Variants in CCDC141 observed in about 807,000 individuals in gnomAD.
CCDC141 encodes coiled-coil domain containing 141.
In CCDC141, 168 loss-of-function variants were observed where a neutral mutation model predicts 181.0. The ratio of observed to expected loss-of-function variants is 0.93; its 90% CI spans 0.82 to 1.05. The LOEUF (loss-of-function observed/expected upper bound fraction) is 1.05, where lower values mean the gene tolerates loss of function less well. Ranked by LOEUF, CCDC141 falls within the 50% of genes least tolerant of loss-of-function variation. The probability of loss-of-function intolerance (pLI) is 0.00; values close to 1 mark genes in which losing one functional copy is unlikely to be tolerated. For synonymous variants in CCDC141, 666 were observed against 642.3 expected (o/e 1.04, Z -0.56); for missense variants, 1,902 against 1,788.5 (o/e 1.06, Z -1.14).
At position 178,837,671 on chromosome 2, in the gene CCDC141, A is replaced by G. The variant is rs774934291; in HGVS notation, c.3548T>C (p.Val1183Ala). Residue 1183 changes from valine to alanine, a missense_variant, in exon 23 of 24, where the codon GTG becomes GCG. Physicochemically the swap from Val to Ala is moderately conservative, Grantham distance 64. Transcript: ENST00000443758. The stretch of plus-strand genomic sequence containing the variant: ...GACGCCACCCTCCTTGTCAGTGGAC[A>G]CCTTCAGGTCTTGTGGTAGTCGCTC... Reference protein sequence around the residue: ...GEERLPQDLKVSTDKEGGVQD... With the variant: ...GEERLPQDLKASTDKEGGVQD... The G allele has an allele frequency of 6.2e-7, 1 of 1,614,030 alleles. No individual in the cohort carries two copies. The highest frequency in any genetic ancestry group is 2.2e-5 in the East Asian group (1 of 44,864).
chr2:179,015,764 TC>T (rs1288046041), intron 2 of CCDC141, among the ~76,000 whole-genome samples: 171 of 134,956 alleles, frequency 1.3e-3, no homozygotes, highest in African/African-American at 4.4e-3. Flanking sequence ...CTCATATATA[TC>T]ATATATATCT....
chr2:178,860,161 T>C (rs922371682), intron 17 of CCDC141, among the ~76,000 whole-genome samples: 7 of 152,200 alleles, frequency 4.6e-5, no homozygotes, highest in African/African-American at 9.7e-5. Flanking sequence ...AAAAAGCTTT[T>C]TGATGCTCAT....
intron 7 of CCDC141, among the ~76,000 whole-genome samples, chr2:178,914,784 A>C (rs1055547508): frequency 1.3e-5 from 2 of 152,234 alleles, no homozygotes; most frequent in African/African-American, 4.8e-5. Flanking sequence ...GAGAAGGGTA[A>C]TTATTCTCAT....
chr2:178,951,827 G>A (rs1278426313), intron 5 of CCDC141, among the ~76,000 whole-genome samples: 1 of 152,152 alleles, frequency 6.6e-6, no homozygotes, highest in Non-Finnish European at 1.5e-5. Flanking sequence ...AGGGTTAGAA[G>A]CAACCGCAGA....
the CCDC141 span, among the ~76,000 whole-genome samples, chr2:178,818,978 T>C: frequency 6.6e-6 from 1 of 152,140 alleles, no homozygotes; most frequent in African/African-American, 2.4e-5. Context: ...TCCTCACATA[T>C]AAGGGAGAAA....
intron 22 of CCDC141, among the ~76,000 whole-genome samples, chr2:178,842,453 G>A (rs1684765231): frequency 6.6e-6 from 1 of 152,110 alleles, no homozygotes. Flanking sequence ...TCTCTGTCAG[G>A]ACTTCTGAAC....
At chr2:178,844,240 T>C (rs1252728953) in intron 22 of CCDC141, among the ~76,000 whole-genome samples, 2 of 152,272 alleles carry the variant, frequency 1.3e-5, no homozygotes, top group East Asian at 3.9e-4. Context: ...TTAGTAACTC[T>C]TAGAAACCTT....
At chr2:178,971,122 C>T (rs1690865984) in intron 4 of CCDC141, among the ~76,000 whole-genome samples, 1 of 152,114 alleles carries the variant, frequency 6.6e-6, no homozygotes, top group Admixed American at 6.5e-5. Context: ...ACAGAAGAAT[C>T]ACTTGAACAA....
At chr2:178,948,852 G>C (rs1482569832) in intron 5 of CCDC141, among the ~76,000 whole-genome samples, 1 of 152,164 alleles carries the variant, frequency 6.6e-6, no homozygotes, top group African/African-American at 2.4e-5. Context: ...GCTTTCAACA[G>C]ATGCCCAATC....
intron 5 of CCDC141, among the ~76,000 whole-genome samples, chr2:178,949,640 T>A (rs1215070367): frequency 6.6e-6 from 1 of 152,130 alleles, no homozygotes; most frequent in African/African-American, 2.4e-5. Flanking sequence ...CAGAAATAGG[T>A]CCCGTATACA....
chr2:178,973,694 C>G (rs1690999149), intron 4 of CCDC141, among the ~76,000 whole-genome samples: 1 of 152,200 alleles, frequency 6.6e-6, no homozygotes, highest in Admixed American at 6.5e-5. Flanking sequence ...CCCCCAGTCC[C>G]TCTGGAGAAT....
At chr2:178,928,631 A>C (rs1443952387) in intron 6 of CCDC141, among the ~76,000 whole-genome samples, 1 of 152,230 alleles carries the variant, frequency 6.6e-6, no homozygotes, top group Non-Finnish European at 1.5e-5. Flanking sequence ...TTTAAACTTA[A>C]CGAGCTGGTA....
At chr2:178,955,690 GGA>G (rs1559005383) in intron 5 of CCDC141, among the ~76,000 whole-genome samples, 8 of 152,086 alleles carry the variant, frequency 5.3e-5, no homozygotes, top group Admixed American at 1.3e-4. Context: ...GCTCACGCTT[GGA>G]TAAAAGTCTA....
At chr2:178,952,532 G>C (rs969698279) in intron 5 of CCDC141, among the ~76,000 whole-genome samples, 1 of 152,202 alleles carries the variant, frequency 6.6e-6, no homozygotes, top group Non-Finnish European at 1.5e-5. Context: ...ATCTGCACCA[G>C]AGTCCTGTTT....
At chr2:179,039,385 A>C (rs1317234000) in intron 2 of CCDC141, among the ~76,000 whole-genome samples, 1 of 152,208 alleles carries the variant, frequency 6.6e-6, no homozygotes, top group Non-Finnish European at 1.5e-5. Flanking sequence ...TAAACATTTA[A>C]TATACCAAAT....
At chr2:179,009,166 A>C (rs938782082) in intron 2 of CCDC141, among the ~76,000 whole-genome samples, 1 of 152,166 alleles carries the variant, frequency 6.6e-6, no homozygotes, top group Non-Finnish European at 1.5e-5. Flanking sequence ...ATCATCTCTG[A>C]GGAAGACTTT....
intron 1 of CCDC141, among the ~76,000 whole-genome samples, chr2:179,047,875 T>C (rs1411467236): frequency 6.6e-6 from 1 of 152,226 alleles, no homozygotes; most frequent in Non-Finnish European, 1.5e-5. Flanking sequence ...GTCTTTACAT[T>C]GGCCTTGCTG....
chr2:178,872,388 C>T (rs372256307), intron 12 of CCDC141, 76 bp from the exon 13 acceptor site: 10 of 1,323,504 alleles, frequency 7.6e-6, no homozygotes, highest in East Asian at 4.8e-5. Flanking sequence ...AACTATTTTA[C>T]GAGGCAAATT....
chr2:178,942,139 G>A (rs1689550595), intron 6 of CCDC141, among the ~76,000 whole-genome samples: 1 of 152,116 alleles, frequency 6.6e-6, no homozygotes. Context: ...ATGCAGAGTA[G>A]TTCAGGACCC....
Sources: allele counts gnomAD v4.1 joint callset (sites outside exome capture counted in the v4.1 genomes callset), GRCh38; gene constraint gnomAD v4.1.1; transcripts MANE v1.5; gene names NCBI Gene and HGNC (gene_info 2026-07-23, HGNC 2026-07-21).